Variants in PCDHA7 observed in about 807,000 individuals in gnomAD.
PCDHA7 encodes protocadherin alpha 7.
PCDHA7 carries 37 observed loss-of-function variants against 57.2 expected under a neutral mutation model. That is an observed-to-expected ratio of 0.65 (90% CI 0.50 to 0.85). The LOEUF (loss-of-function observed/expected upper bound fraction) is 0.85. Ranked by LOEUF, PCDHA7 falls within the 40% of genes least tolerant of loss-of-function variation. The pLI is 0.00. For missense variants in PCDHA7, 1,188 were observed against 1,241.8 expected (o/e 0.96, Z 0.65); for synonymous variants, 553 against 558.8 (o/e 0.99, Z 0.15).
chr5:140,947,763 AAT>A (rs1396909113), intron 1 of PCDHA7, among the ~76,000 whole-genome samples: 1 of 151,658 alleles, frequency 6.6e-6, no homozygotes, highest in Non-Finnish European at 1.5e-5. Flanking sequence ...TGGTTTAAAA[AAT>A]TCTATTGTAA....
At chr5:140,983,542 C>A (rs1554245538) in intron 3 of PCDHA7, among the ~76,000 whole-genome samples, 1 of 152,152 alleles carries the variant, frequency 6.6e-6, no homozygotes, top group African/African-American at 2.4e-5. Flanking sequence ...TGTGTGGTCT[C>A]ATTTATTCCT....
At chr5:140,869,258 TG>T in intron 1 of PCDHA7, 1 of 1,613,558 alleles carries the variant, frequency 6.2e-7, no homozygotes, top group Non-Finnish European at 8.5e-7. Context: ...GCGCAGGACC[TG>T]GGGCTGGAGC....
intron 1 of PCDHA7, chr5:140,849,805 C>T: frequency 6.3e-7 from 1 of 1,598,382 alleles, no homozygotes; most frequent in Non-Finnish European, 8.6e-7. Flanking sequence ...TCACTGTGGG[C>T]CACGGCCAGG....
At chr5:140,856,568 A>C in intron 1 of PCDHA7, 1 of 1,597,928 alleles carries the variant, frequency 6.3e-7, no homozygotes, top group Non-Finnish European at 8.6e-7. Flanking sequence ...ACTCAGTCCA[A>C]ATGAGTATTT....
intron 1 of PCDHA7, chr5:140,863,757 G>A (rs2048159267): frequency 4.1e-6 from 1 of 243,012 alleles, no homozygotes; most frequent in Non-Finnish European, 8.1e-6. Context: ...CCGGCACTTT[G>A]GGAAGCCGAG....
chr5:141,009,491 C>G, intron 3 of PCDHA7, 136 bp from the exon 4 acceptor site: 1 of 1,475,722 alleles, frequency 6.8e-7, no homozygotes, highest in Non-Finnish European at 9.0e-7. Flanking sequence ...GCCTTGCCCT[C>G]AGACTTGAAC....
Position 141,012,299 on chromosome 5 carries a change from A to G in PCDHA7, c.*2362A>G, listed in dbSNP as rs1554263904. 1 of 153,754 alleles carries G rather than the reference A, an allele frequency of 6.5e-6. No homozygotes were observed. Among genetic ancestry groups the G allele is most frequent in the African/African-American group, 2.4e-5 (1 of 41,456 alleles). The allele number at this position is 153,754 out of a possible 1,614,324, so 9.5% of individuals were successfully genotyped here. A position where few individuals can be genotyped will look rare whatever the true frequency, so the allele number is the denominator to read the frequency against. ...TGTGGATTCATTTTGAATTGGTGCT[A>G]TTGGTATTTCCTCTGTTATTGCTAA... On this transcript the variant is annotated 3_prime_UTR_variant, in exon 4 of 4. Transcript: ENST00000525929.
chr5:140,883,534 A>G, intron 1 of PCDHA7: 1 of 1,614,196 alleles, frequency 6.2e-7, no homozygotes, highest in Non-Finnish European at 8.5e-7. Context: ...CAGCCTATGA[A>G]CTGGTGGTGA....
At position 140,999,690 on chromosome 5, in the gene PCDHA7, G is replaced by A. The variant is rs113599808; in HGVS notation, c.2504-9937G>A. Among the ~76,000 whole-genome samples the A allele has an allele frequency of 6.4e-3, 977 of 152,230 alleles. 14 individuals are homozygous for A. Among genetic ancestry groups the A allele is most frequent in the African/African-American group, 0.023 (950 of 41,554 alleles). Reference sequence around the variant, plus strand: ...CGGGGGGCTCACAGAAAGAAGAAATGTGATTTTTTTTTAGCTAACTACGGA... The same window carrying A: ...CGGGGGGCTCACAGAAAGAAGAAATATGATTTTTTTTTAGCTAACTACGGA... On this transcript the variant is annotated intron_variant, in intron 3 of 3. Coordinates refer to ENST00000525929, the MANE Select transcript of PCDHA7 (RefSeq NM_018910.3).
chr5:140,889,583 G>C (rs1373487919), intron 1 of PCDHA7, among the ~76,000 whole-genome samples: 1 of 151,554 alleles, frequency 6.6e-6, no homozygotes, highest in African/African-American at 2.4e-5. Context: ...TTTTGTTTTT[G>C]CTTTGAAATA....
At chr5:140,901,469 G>A (rs1056054450) in intron 1 of PCDHA7, among the ~76,000 whole-genome samples, 1 of 152,080 alleles carries the variant, frequency 6.6e-6, no homozygotes, top group African/African-American at 2.4e-5. Flanking sequence ...CTTTTCTCGA[G>A]TTTATGTTCT....
intron 1 of PCDHA7, among the ~76,000 whole-genome samples, chr5:140,885,444 T>C (rs2060598536): frequency 1.3e-5 from 2 of 152,198 alleles, no homozygotes; most frequent in South Asian, 2.1e-4. Flanking sequence ...TGCAATTATA[T>C]ATTATTTACC....
intron 1 of PCDHA7, among the ~76,000 whole-genome samples, chr5:140,949,914 C>T (rs941651578): frequency 1.3e-5 from 2 of 151,190 alleles, no homozygotes; most frequent in African/African-American, 4.8e-5. Context: ...TTAGATATAA[C>T]TATTTTTAGA....
At chr5:140,840,785 T>G (rs1342806305) in intron 1 of PCDHA7, among the ~76,000 whole-genome samples, 1 of 152,086 alleles carries the variant, frequency 6.6e-6, no homozygotes, top group African/African-American at 2.4e-5. Flanking sequence ...TAGAATTATA[T>G]GCTCACCTCA....
intron 1 of PCDHA7, chr5:140,883,418 C>T: frequency 6.2e-7 from 1 of 1,614,172 alleles, no homozygotes; most frequent in Non-Finnish European, 8.5e-7. Flanking sequence ...CTCAAATGGA[C>T]AGGTCACCTG....
Position 140,941,319 on chromosome 5 carries a change from C to CT in PCDHA7, c.2356-37615dup, listed in dbSNP as rs70988781. On this transcript the variant is annotated intron_variant, in intron 1 of 3. Transcript: ENST00000525929. Reference sequence around the variant, plus strand: ...TTCTTTCTTTCTTTTTCTTCTTTCTCTTTTTTTTTTTTTTTCAGATGGAGT... The same window carrying CT: ...TTCTTTCTTTCTTTTTCTTCTTTCTCTTTTTTTTTTTTTTTTCAGATGGAGT... Among the ~76,000 whole-genome samples the CT allele has an allele frequency of 1.3e-3, 140 of 104,384 alleles. 3 individuals are homozygous for CT. The highest frequency in any genetic ancestry group is 2.9e-3 in the South Asian group (9 of 3,126). The allele number at this position is 104,384 out of a possible 152,430, so 68.5% of individuals were successfully genotyped here.
intron 1 of PCDHA7, chr5:140,968,672 G>A: frequency 6.2e-7 from 1 of 1,614,180 alleles, no homozygotes; most frequent in Non-Finnish European, 8.5e-7. Context: ...CTTTAAGGTA[G>A]AGCTGCACAC....
Position 140,853,024 on chromosome 5 carries a change from G to A in PCDHA7, c.2355+16286G>A, listed in dbSNP as rs2150527319. On this transcript the variant is annotated intron_variant, in intron 1 of 3. Coordinates refer to ENST00000525929, the MANE Select transcript of PCDHA7 (RefSeq NM_018910.3). ...CTCCCGAGTAGCTGGGACTACAGGC[G>A]CCTGCCACCATGCCCGCCTAATTTT... 4.2e-5 allele frequency: 11 copies of A among 260,054 alleles called. 1 individual carries two copies. The highest frequency in any genetic ancestry group is 2.6e-4 in the African/African-American group (11 of 42,566). 16.1% of individuals were successfully genotyped at this position (260,054 alleles called of 1,614,324 possible).
chr5:140,836,210 TG>T lies in PCDHA7; in HGVS notation c.1828del (p.Glu610SerfsTer28), dbSNP rs1340323722. The T allele has an allele frequency of 6.2e-7, 1 of 1,613,654 alleles. No homozygotes were observed. The highest frequency in any genetic ancestry group is 1.7e-5 in the Admixed American group (1 of 59,998). On this transcript the variant is annotated frameshift_variant, in exon 1 of 4. Coordinates refer to ENST00000525929, the MANE Select transcript of PCDHA7 (RefSeq NM_018910.3). LOFTEE classifies it high-confidence loss of function. ...CAGGCTACAACGCGTGGCTTTCGTA[TG>T]AGTTGCAACCGGTGGCGGCCGGTGC... is the stretch of plus-strand genomic sequence containing the variant. ...DSGYNAWLSY[E>X]LQPVAAGASI...
Sources: gnomAD v4.1 joint callset for allele counts (sites outside exome capture counted in the v4.1 genomes callset) on GRCh38, gnomAD v4.1.1 for gene constraint, MANE v1.5 for transcripts, NCBI Gene and HGNC (gene_info 2026-07-23, HGNC 2026-07-21) for gene names.